The following NECTIN1 variants were observed in gnomAD, a reference collection of about 807,000 sequenced individuals.
The protein encoded by NECTIN1 is nectin-1.
In NECTIN1, 23 loss-of-function variants were observed where a neutral mutation model predicts 48.0. That is an observed-to-expected ratio of 0.48 (90% CI 0.34 to 0.68). The LOEUF (loss-of-function observed/expected upper bound fraction) is 0.68, where lower values mean the gene tolerates loss of function less well. NECTIN1 is among the 30% of genes least tolerant of loss of function. The probability of loss-of-function intolerance (pLI) is 0.01; values close to 1 mark genes in which losing one functional copy is unlikely to be tolerated. For missense variants in NECTIN1, 591 were observed against 709.9 expected (o/e 0.83, Z 1.90); for synonymous variants, 270 against 288.9 (o/e 0.93, Z 0.66).
At chr11:119,655,230 T>A (rs1475454792) in intron 5 of NECTIN1, among the ~76,000 whole-genome samples, 8 of 151,922 alleles carry the variant, frequency 5.3e-5, no homozygotes, top group African/African-American at 7.2e-5. Context: ...TTTTTTTTTT[T>A]AAAAGAGCAA....
chr11:119,663,810 T>C lies in NECTIN1; in HGVS notation c.*937A>G, dbSNP rs1207300724. ...CCGGGGACCCAGTCTCAGCTGTCTC[T>C]GGAAGCTTCTATAGGCAGACCCCAT... On this transcript the variant is annotated 3_prime_UTR_variant, in exon 6 of 6. Transcript: ENST00000264025. The C allele has an allele frequency of 2.0e-6, 2 of 985,416 alleles. No individual in the cohort carries two copies. Among genetic ancestry groups the C allele is most frequent in the Non-Finnish European group, 1.2e-6 (1 of 830,018 alleles). 61.0% of individuals were successfully genotyped at this position (985,416 alleles called of 1,614,324 possible).
At position 119,728,536 on chromosome 11, in the gene NECTIN1, A is replaced by G; in HGVS notation, c.18T>C (p.Leu6=). 6.3e-7 allele frequency: 1 copy of G among 1,590,230 alleles called. No individual in the cohort carries two copies. Among genetic ancestry groups the G allele is most frequent in the Non-Finnish European group, 8.6e-7 (1 of 1,168,490 alleles). Residue 6 remains leucine, a synonymous_variant, in exon 1 of 6, where the codon CTT becomes CTC. Coordinates refer to ENST00000264025, the MANE Select transcript of NECTIN1 (RefSeq NM_002855.5). MARMG[L]AGAAGRWWGL... ...CCCACCAGCGTCCAGCGGCGCCCGC[A>G]AGCCCCATCCGAGCCATCGGGGGCC...
intron 1 of NECTIN1, among the ~76,000 whole-genome samples, chr11:119,690,813 G>A (rs1490845914): frequency 2.0e-5 from 3 of 152,208 alleles, no homozygotes; most frequent in South Asian, 2.1e-4. Context: ...GGGGGAACTC[G>A]GGGACAGGGG....
intron 1 of NECTIN1, among the ~76,000 whole-genome samples, chr11:119,708,146 A>C (rs1284863074): frequency 6.6e-6 from 1 of 152,176 alleles, no homozygotes; most frequent in Non-Finnish European, 1.5e-5. Flanking sequence ...GCCACAGAAG[A>C]TGTGAGATTT....
chr11:119,719,915 G>C (rs949857281), intron 1 of NECTIN1, among the ~76,000 whole-genome samples: 1 of 152,190 alleles, frequency 6.6e-6, no homozygotes, highest in African/African-American at 2.4e-5. Flanking sequence ...AATAGAAGTG[G>C]CTCTTGACTT....
intron 5 of NECTIN1, among the ~76,000 whole-genome samples, chr11:119,647,136 G>T (rs575968981): frequency 6.7e-6 from 1 of 150,056 alleles, no homozygotes; most frequent in African/African-American, 2.5e-5. Context: ...CAGGCCTCAA[G>T]ATGAGGGGCC....
rs1864307597 is a variant in NECTIN1 at position 119,640,519 on chromosome 11, G to A, written c.1004-507C>T. ...GAAGGGGCACCTGGGGGTGCCTCCCGGGAAACCAAGCCTCTTCAGTACAGA... is the reference window on the plus strand; with the variant it reads ...GAAGGGGCACCTGGGGGTGCCTCCCAGGAAACCAAGCCTCTTCAGTACAGA... On this transcript the variant is annotated intron_variant, in intron 5 of 7. Coordinates refer to the NECTIN1 transcript ENST00000341398. The A allele has an allele frequency of 1.6e-5, 3 of 189,794 alleles. No individual in the cohort carries two copies. In the Admixed American group the frequency reaches 1.6e-4, roughly 10 times the overall value. The allele number at this position is 189,794 out of a possible 1,614,324, so 11.8% of individuals were successfully genotyped here. A position where few individuals can be genotyped will look rare whatever the true frequency, so the allele number is the denominator to read the frequency against.
chr11:119,675,195 C>T lies in NECTIN1; in HGVS notation c.967G>A (p.Gly323Ser), dbSNP rs930877255. The change falls in exon 5 of 6, where the codon GGT becomes AGT. Residue 323 changes from glycine (G) to serine (S), a missense_variant. Transcript: ENST00000264025. ...TYICEATNPI[G>S]TRSGQVEVNI... ...ACCTCCACCTGGCCTGAGCGTGTAC[C>T]GATGGGGTTGGTGGCCTCACAGATG... 1.8e-5 allele frequency: 29 copies of T among 1,614,106 alleles called. No homozygotes were observed. Among genetic ancestry groups the T allele is most frequent in the Non-Finnish European group, 2.0e-5 (24 of 1,180,016 alleles).
chr11:119,720,863 C>G (rs114755014), intron 1 of NECTIN1, among the ~76,000 whole-genome samples: 1 of 152,132 alleles, frequency 6.6e-6, no homozygotes, highest in African/African-American at 2.4e-5. Flanking sequence ...ACAAGGAACG[C>G]GAGCTGGGGA....
chr11:119,645,775 G>T (rs1864389722), intron 5 of NECTIN1, among the ~76,000 whole-genome samples: 2 of 152,174 alleles, frequency 1.3e-5, no homozygotes, highest in Non-Finnish European at 2.9e-5. Flanking sequence ...CCTTGCTCAG[G>T]AGGGGACATA....
Position 119,664,999 on chromosome 11 carries a change from G to C in NECTIN1, c.1302C>G (p.Ser434Arg). ...DEKKAGPLGGSSYEEEEEEEE... is the reference protein window; with the variant it reads ...DEKKAGPLGGRSYEEEEEEEE... ...CCTCCTCCTCCTCCTCCTCATAGCT[G>C]CTTCCACCCAGTGGGCCGGCCTTCT... The change falls in exon 6 of 6, where the codon AGC becomes AGG. Residue 434 changes from serine (S) to arginine (R), a missense_variant. Coordinates refer to ENST00000264025, the MANE Select transcript of NECTIN1 (RefSeq NM_002855.5). 6.2e-7 allele frequency: 1 copy of C among 1,613,696 alleles called. No homozygotes were observed. The highest frequency in any genetic ancestry group is 1.1e-5 in the South Asian group (1 of 91,082).
In NECTIN1 at chr11:119,672,357, G is replaced by A. The variant is rs2135547714; in HGVS notation, c.1003+2802C>T. ...TGCACCCTGGGCCTCTCCCCACCTT[G>A]TCATTACCCCAGAGGGAGAAGGGAG... On this transcript the variant is annotated intron_variant, in intron 5 of 5. Coordinates refer to ENST00000264025, the MANE Select transcript of NECTIN1 (RefSeq NM_002855.5). The surrounding 1 kb of genome is among the most constrained non-coding windows in gnomAD (Gnocchi z 4.3). 6.6e-6 allele frequency among the ~76,000 whole-genome samples: 1 copy of A among 152,240 alleles called. No individual in the cohort carries two copies. The highest frequency in any genetic ancestry group is 2.1e-4 in the South Asian group (1 of 4,822).
chr11:119,682,892 T>C (rs1324464242), intron 1 of NECTIN1, among the ~76,000 whole-genome samples: 3 of 152,200 alleles, frequency 2.0e-5, no homozygotes, highest in Non-Finnish European at 2.9e-5. Context: ...CAGGACGCCC[T>C]TGTGACTGTC....
At chr11:119,726,431 C>T (rs769440343) in intron 1 of NECTIN1, among the ~76,000 whole-genome samples, 1 of 152,172 alleles carries the variant, frequency 6.6e-6, no homozygotes, top group South Asian at 2.1e-4. Context: ...CCGGGAACTT[C>T]GGTGCATGGA....
chr11:119,668,202 AC>A (rs1864807006), intron 5 of NECTIN1, among the ~76,000 whole-genome samples: 1 of 151,908 alleles, frequency 6.6e-6, no homozygotes, highest in Admixed American at 6.6e-5. Flanking sequence ...TTCCTTCTAA[AC>A]CCTCTCCATT....
chr11:119,667,001 A>G (rs1864782741), intron 5 of NECTIN1, among the ~76,000 whole-genome samples: 1 of 152,082 alleles, frequency 6.6e-6, no homozygotes, highest in Non-Finnish European at 1.5e-5. Context: ...CTGGCAGAGG[A>G]GCACTGCCAT....
chr11:119,660,971 C>T (rs1864652647), downstream of NECTIN1: 1 of 963,164 alleles, frequency 1.0e-6, no homozygotes, highest in Non-Finnish European at 1.2e-6. Context: ...TGGAGCAGGG[C>T]AGTGATGGGA....
chr11:119,680,124 G>A (rs921333194), intron 1 of NECTIN1, among the ~76,000 whole-genome samples: 2 of 152,188 alleles, frequency 1.3e-5, no homozygotes, highest in African/African-American at 4.8e-5. Flanking sequence ...CAAGAAGGAG[G>A]GAGTGAAATT....
In NECTIN1 at chr11:119,661,807, T is replaced by C. The variant is rs186159363; in HGVS notation, c.*2940A>G. The C allele has an allele frequency of 1.2e-5, 12 of 985,466 alleles. No homozygotes were observed. In the Admixed American group the frequency reaches 6.1e-4, roughly 50 times the overall value. The allele number at this position is 985,466 out of a possible 1,614,324, so 61.0% of individuals were successfully genotyped here. A position where few individuals can be genotyped will look rare whatever the true frequency, so the allele number is the denominator to read the frequency against. On this transcript the variant is annotated 3_prime_UTR_variant, in exon 6 of 6. Coordinates refer to ENST00000264025, the MANE Select transcript of NECTIN1 (RefSeq NM_002855.5). ...ACCATTCCCTCTGCCACATCTGTGC[T>C]GAGTGGCCATCTGGCTGTGCATGCA...
Sources: gnomAD v4.1 joint callset for allele counts (sites outside exome capture counted in the v4.1 genomes callset) on GRCh38, gnomAD v4.1.1 for gene constraint, Gnocchi (gnomAD v3.1) non-coding constraint, MANE v1.5 for transcripts, NCBI Gene and HGNC (gene_info 2026-07-23, HGNC 2026-07-21) for gene names.